The following PRUNE2 variants were observed in gnomAD, a reference collection of about 807,000 sequenced individuals.
PRUNE2 encodes the protein protein prune homolog 2.
PRUNE2 carries 164 observed loss-of-function variants against 252.0 expected under a neutral mutation model. The ratio of observed to expected loss-of-function variants is 0.65; its 90% CI spans 0.57 to 0.74. The LOEUF (loss-of-function observed/expected upper bound fraction) is 0.74, where lower values mean the gene tolerates loss of function less well. PRUNE2 is among the 30% of genes least tolerant of loss of function. The pLI is 0.00. For missense variants in PRUNE2, 3,495 were observed against 3,711.0 expected (o/e 0.94, Z 1.51); for synonymous variants, 1,292 against 1,350.2 (o/e 0.96, Z 0.94).
chr9:76,736,812 T>C (rs974947377), intron 6 of PRUNE2: 44 of 152,250 alleles, frequency 2.9e-4, no homozygotes, highest in African/African-American at 9.9e-4. Flanking sequence ...CACTTCTTTG[T>C]ACATGACTTC....
At chr9:76,872,797 T>C (rs1353345905) in intron 1 of PRUNE2, among the ~76,000 whole-genome samples, 3 of 152,046 alleles carry the variant, frequency 2.0e-5, no homozygotes, top group African/African-American at 7.2e-5. Flanking sequence ...TAGCAAAACA[T>C]TGATAATTAT....
chr9:76,793,298 C>A (rs190963583), intron 6 of PRUNE2, among the ~76,000 whole-genome samples: 67 of 152,242 alleles, frequency 4.4e-4, no homozygotes, highest in Middle Eastern at 3.4e-3. Context: ...TAATAATGAA[C>A]AATAAACATG....
intron 6 of PRUNE2, among the ~76,000 whole-genome samples, chr9:76,728,273 C>G (rs545605853): frequency 2.0e-5 from 3 of 152,188 alleles, no homozygotes; most frequent in Admixed American, 6.5e-5. Flanking sequence ...ATTTCTGGGC[C>G]TGAATTATCT....
chr9:76,793,075 T>G (rs139488759), intron 6 of PRUNE2, among the ~76,000 whole-genome samples: 1 of 152,342 alleles, frequency 6.6e-6, no homozygotes, highest in South Asian at 2.1e-4. Flanking sequence ...CCAAGTCTAT[T>G]ATGCCATGTG....
chr9:76,689,412 G>A (rs1255703412), intron 9 of PRUNE2, among the ~76,000 whole-genome samples: 2 of 152,086 alleles, frequency 1.3e-5, no homozygotes, highest in African/African-American at 4.8e-5. Context: ...CTGGAGTGCA[G>A]TGGCATGATC....
intron 18 of PRUNE2, among the ~76,000 whole-genome samples, chr9:76,616,441 G>A (rs7042069): frequency 0.92 from 140,532 of 152,240 alleles, 64,953 homozygotes; most frequent in Admixed American, 0.95. Context: ...CCAAAATTTG[G>A]GGCACATCGT....
chr9:76,768,594 T>C (rs1006422359), intron 6 of PRUNE2, among the ~76,000 whole-genome samples: 4 of 143,174 alleles, frequency 2.8e-5, no homozygotes, highest in African/African-American at 1.1e-4. Flanking sequence ...TGTGTGTGTG[T>C]GTGTGTGTGT....
At chr9:76,802,768 A>G (rs1169433251) in intron 6 of PRUNE2, among the ~76,000 whole-genome samples, 1 of 152,138 alleles carries the variant, frequency 6.6e-6, no homozygotes, top group Non-Finnish European at 1.5e-5. Flanking sequence ...ACAAAAAAAA[A>G]GTACTAATAA....
chr9:76,637,185 A>C (rs584341), intron 14 of PRUNE2, among the ~76,000 whole-genome samples: 129,149 of 152,074 alleles, frequency 0.85, 55,125 homozygotes, highest in African/African-American at 0.93. Context: ...GAGTGCATGA[A>C]TCTATAACCA....
intron 6 of PRUNE2, among the ~76,000 whole-genome samples, chr9:76,729,661 T>C (rs1448707088): frequency 6.6e-6 from 1 of 152,112 alleles, no homozygotes; most frequent in Admixed American, 6.6e-5. Flanking sequence ...AAATGTTTTA[T>C]TATAAAATAA....
intron 1 of PRUNE2, among the ~76,000 whole-genome samples, chr9:76,871,577 T>C (rs1195405388): frequency 6.6e-6 from 1 of 152,228 alleles, no homozygotes; most frequent in Non-Finnish European, 1.5e-5. Flanking sequence ...ATTTTATATG[T>C]GTTTTTAAAC....
intron 6 of PRUNE2, among the ~76,000 whole-genome samples, chr9:76,755,392 G>T (rs911922699): frequency 6.6e-6 from 1 of 152,126 alleles, no homozygotes; most frequent in Non-Finnish European, 1.5e-5. Flanking sequence ...GGGAGGAATG[G>T]ATGGCTGGAT....
At chr9:76,890,812 C>T (rs971200869) in intron 1 of PRUNE2, among the ~76,000 whole-genome samples, 1 of 152,182 alleles carries the variant, frequency 6.6e-6, no homozygotes, top group African/African-American at 2.4e-5. Context: ...ACCCAAAATT[C>T]TCACCAATAC....
intron 6 of PRUNE2, among the ~76,000 whole-genome samples, chr9:76,735,016 G>A (rs1457946079): frequency 1.3e-5 from 2 of 152,182 alleles, no homozygotes; most frequent in East Asian, 3.9e-4. Flanking sequence ...GCAAGCCCTG[G>A]AGCTACCCAG....
At chr9:76,768,577 A>G (rs935964264) in intron 6 of PRUNE2, among the ~76,000 whole-genome samples, 5 of 98,072 alleles carry the variant, frequency 5.1e-5, no homozygotes, top group South Asian at 4.6e-4. Flanking sequence ...ATATATATGT[A>G]TATGTATGTG....
At chr9:76,673,874 T>C (rs1377554143) in intron 9 of PRUNE2, among the ~76,000 whole-genome samples, 1 of 152,134 alleles carries the variant, frequency 6.6e-6, no homozygotes, top group Admixed American at 6.5e-5. Context: ...CTAAAAACTC[T>C]CAATAAATTA....
chr9:76,651,674 TAAAG>T (rs1342361054), intron 11 of PRUNE2, among the ~76,000 whole-genome samples: 1 of 152,186 alleles, frequency 6.6e-6, no homozygotes, highest in African/African-American at 2.4e-5. Context: ...GAGAAAGAAC[TAAAG>T]AAAGACTGAA....
At chr9:76,682,747 C>G (rs1295227137) in intron 9 of PRUNE2, among the ~76,000 whole-genome samples, 1 of 152,092 alleles carries the variant, frequency 6.6e-6, no homozygotes, top group Non-Finnish European at 1.5e-5. Flanking sequence ...TAATTTAATA[C>G]ATTAATATAA....
In PRUNE2 at chr9:76,611,624, T is replaced by G. The variant is rs1330244676; in HGVS notation, c.*2946A>C. 6.6e-6 allele frequency: 1 copy of G among 152,624 alleles called. No individual in the cohort carries two copies. Among genetic ancestry groups the G allele is most frequent in the Non-Finnish European group, 1.5e-5 (1 of 68,044 alleles). 9.5% of individuals were successfully genotyped at this position (152,624 alleles called of 1,614,324 possible). A position where few individuals can be genotyped will look rare whatever the true frequency, so the allele number is the denominator to read the frequency against. Reference sequence around the variant, plus strand: ...TGAGGCATTGTGATAAGACGAGAGTTGCAAACATAGTACCATAACTGAATA... The same window carrying G: ...TGAGGCATTGTGATAAGACGAGAGTGGCAAACATAGTACCATAACTGAATA... On this transcript the variant is annotated 3_prime_UTR_variant, in exon 19 of 19. Coordinates refer to ENST00000376718, the MANE Select transcript of PRUNE2 (RefSeq NM_015225.3).
Sources: allele counts gnomAD v4.1 joint callset (sites outside exome capture counted in the v4.1 genomes callset), GRCh38; gene constraint gnomAD v4.1.1; transcripts MANE v1.5; gene names NCBI Gene and HGNC (gene_info 2026-07-23, HGNC 2026-07-21).